Variants in SH3PXD2A observed in about 807,000 individuals in gnomAD.
SH3PXD2A encodes SH3 and PX domain-containing protein 2A.
SH3PXD2A carries 32 observed loss-of-function variants against 115.2 expected under a neutral mutation model. That is an observed-to-expected ratio of 0.28 (90% CI 0.21 to 0.37). The LOEUF (loss-of-function observed/expected upper bound fraction) is 0.37, where lower values mean the gene tolerates loss of function less well. Ranked by LOEUF, SH3PXD2A falls within the 10% of genes least tolerant of loss-of-function variation. The pLI is 1.00. For synonymous variants in SH3PXD2A, 610 were observed against 629.1 expected, an observed-to-expected ratio of 0.97 and a Z score of 0.45; for missense variants, 1,328 against 1,498.7, an observed-to-expected ratio of 0.89 and a Z score of 1.88.
chr10:103,605,771 C>A (rs781584928), intron 14 of SH3PXD2A, 27 bp downstream of exon 14: 8 of 1,613,912 alleles, frequency 5.0e-6, no homozygotes, highest in Admixed American at 3.3e-5. Flanking sequence ...TGAGTTAAAA[C>A]CCTCGGCCTC....
intron 5 of SH3PXD2A, among the ~76,000 whole-genome samples, chr10:103,696,431 T>C (rs923800): frequency 0.98 from 148,870 of 152,232 alleles, 72,811 homozygotes; most frequent in East Asian, 1. Context: ...TATAACCAGT[T>C]CCAGTCTGGC....
intron 5 of SH3PXD2A, among the ~76,000 whole-genome samples, chr10:103,713,836 C>A (rs2038073386): frequency 6.6e-6 from 1 of 152,220 alleles, no homozygotes; most frequent in African/African-American, 2.4e-5. Context: ...TTTGCCAGAG[C>A]CTATAATGGT....
At chr10:103,758,545 T>C (rs2038666928) in intron 3 of SH3PXD2A, among the ~76,000 whole-genome samples, 1 of 152,210 alleles carries the variant, frequency 6.6e-6, no homozygotes, top group Non-Finnish European at 1.5e-5. Flanking sequence ...CTCAGTCATA[T>C]CACCAGTGAC....
intron 8 of SH3PXD2A, among the ~76,000 whole-genome samples, chr10:103,638,983 G>C (rs889363908): frequency 2.0e-5 from 3 of 152,218 alleles, no homozygotes; most frequent in African/African-American, 7.2e-5. Context: ...TGGCACGGGT[G>C]GGGGTCGGAG....
chr10:103,726,002 G>T (rs953809234), intron 4 of SH3PXD2A, among the ~76,000 whole-genome samples: 3 of 152,104 alleles, frequency 2.0e-5, no homozygotes, highest in African/African-American at 7.2e-5. Flanking sequence ...GTGTAGCCCC[G>T]TTTTCTGGGC....
chr10:103,755,647 C>T (rs1196417916), intron 3 of SH3PXD2A, among the ~76,000 whole-genome samples: 1 of 152,066 alleles, frequency 6.6e-6, no homozygotes, highest in Non-Finnish European at 1.5e-5. Context: ...ATCTCAGCCA[C>T]GGAAAATAGC....
intron 8 of SH3PXD2A, among the ~76,000 whole-genome samples, chr10:103,635,689 G>C (rs1290949908): frequency 6.6e-6 from 1 of 152,228 alleles, no homozygotes; most frequent in Non-Finnish European, 1.5e-5. Context: ...AAGTTGTTTA[G>C]GAGAATCCCA....
chr10:103,725,193 G>A (rs1589430557), intron 4 of SH3PXD2A, among the ~76,000 whole-genome samples: 1 of 152,178 alleles, frequency 6.6e-6, no homozygotes, highest in Admixed American at 6.5e-5. Flanking sequence ...GATCAAGCAT[G>A]TTGGTTTCAG....
intron 1 of SH3PXD2A, among the ~76,000 whole-genome samples, chr10:103,851,668 A>G (rs1842897979): frequency 6.6e-6 from 1 of 152,184 alleles, no homozygotes; most frequent in South Asian, 2.1e-4. Flanking sequence ...CCTACCCCAC[A>G]TTAGGGTACA....
At chr10:103,639,763 A>C (rs1358176274) in intron 8 of SH3PXD2A, among the ~76,000 whole-genome samples, 1 of 152,204 alleles carries the variant, frequency 6.6e-6, no homozygotes, top group East Asian at 1.9e-4. Context: ...CGCTCAGGAA[A>C]GATGGAAGAT....
intron 7 of SH3PXD2A, chr10:103,661,827 G>A: frequency 1.0e-6 from 1 of 985,210 alleles, no homozygotes; most frequent in Non-Finnish European, 1.2e-6. Context: ...GTGGAGGCAG[G>A]GGAGGGGGAG....
At chr10:103,835,582 T>C (rs2039529315) in intron 1 of SH3PXD2A, among the ~76,000 whole-genome samples, 1 of 152,058 alleles carries the variant, frequency 6.6e-6, no homozygotes, top group African/African-American at 2.4e-5. Flanking sequence ...AGACATAAAG[T>C]TCTTTACCCA....
intron 13 of SH3PXD2A, among the ~76,000 whole-genome samples, chr10:103,606,812 G>A (rs2036316505): frequency 6.6e-6 from 1 of 152,266 alleles, no homozygotes; most frequent in African/African-American, 2.4e-5. Context: ...TGGTGCCCAG[G>A]CTGGAGTGCA....
At chr10:103,606,086 G>T (rs1396069859) in intron 13 of SH3PXD2A, among the ~76,000 whole-genome samples, 169 bp from the exon 14 acceptor site, 2 of 152,046 alleles carry the variant, frequency 1.3e-5, no homozygotes, top group African/African-American at 4.8e-5. Context: ...GGTATATATC[G>T]CCAGGGGACT....
In SH3PXD2A at chr10:103,756,684, T is replaced by C. The variant is rs2038645229; in HGVS notation, c.229+10410A>G. Among the ~76,000 whole-genome samples the C allele has an allele frequency of 6.6e-6, 1 of 152,170 alleles. No individual in the cohort carries two copies. The highest frequency in any genetic ancestry group is 2.4e-5 in the African/African-American group (1 of 41,444). ...TGGTGGTGAGGTGAAACACTCCTTC[T>C]GCCATCTTGGCCAGGGCTGCCCAGA... On this transcript the variant is annotated intron_variant, in intron 3 of 14. Coordinates refer to ENST00000369774, the MANE Select transcript of SH3PXD2A (RefSeq NM_001394015.1). The surrounding 1 kb of genome is among the most constrained non-coding windows in gnomAD (Gnocchi z 4.4).
chr10:103,703,027 C>G (rs1000186585), intron 5 of SH3PXD2A, among the ~76,000 whole-genome samples: 5 of 152,240 alleles, frequency 3.3e-5, no homozygotes, highest in Non-Finnish European at 7.3e-5. Flanking sequence ...CTGATGGCCC[C>G]TAACTCCCCA....
rs542802061 is a variant in SH3PXD2A at position 103,846,566 on chromosome 10, C to T, written c.72+8629G>A. Among the ~76,000 whole-genome samples, 3 of 152,324 alleles carry T rather than the reference C, an allele frequency of 2.0e-5. No individual in the cohort carries two copies. In the East Asian group the frequency reaches 5.8e-4, roughly 29 times the overall value. The stretch of plus-strand genomic sequence containing the variant: ...TAATTAAGAACCCAGACTGGGGGAT[C>T]AAGGGACCTCCTCACACAGCTATCA... On this transcript the variant is annotated intron_variant, in intron 1 of 14. Coordinates refer to ENST00000369774, the MANE Select transcript of SH3PXD2A (RefSeq NM_001394015.1).
At chr10:103,787,952 C>A (rs1440752764) in intron 2 of SH3PXD2A, among the ~76,000 whole-genome samples, 1 of 152,136 alleles carries the variant, frequency 6.6e-6, no homozygotes, top group African/African-American at 2.4e-5. Context: ...TAGAGCCAAA[C>A]CCTGGTGGCT....
At chr10:103,815,631 C>T (rs1310964771) in intron 1 of SH3PXD2A, among the ~76,000 whole-genome samples, 1 of 151,846 alleles carries the variant, frequency 6.6e-6, no homozygotes, top group Non-Finnish European at 1.5e-5. Flanking sequence ...TGGCTCATGC[C>T]TCTAATCCCA....
Sources: gnomAD v4.1 joint callset for allele counts (sites outside exome capture counted in the v4.1 genomes callset) on GRCh38, gnomAD v4.1.1 for gene constraint, Gnocchi (gnomAD v3.1) non-coding constraint, MANE v1.5 for transcripts, NCBI Gene and HGNC (gene_info 2026-07-23, HGNC 2026-07-21) for gene names.